The following LDLRAD3 variants were observed in gnomAD, a reference collection of about 807,000 sequenced individuals.
The protein encoded by LDLRAD3 is low-density lipoprotein receptor class A domain-containing protein 3.
A neutral mutation model predicts 29.4 loss-of-function variants in LDLRAD3; 20 were observed. That is an observed-to-expected ratio of 0.68 (90% CI 0.48 to 0.99). The LOEUF (loss-of-function observed/expected upper bound fraction) is 0.99, where lower values mean the gene tolerates loss of function less well. LDLRAD3 is among the 50% of genes least tolerant of loss of function. The pLI is 0.00. For synonymous variants in LDLRAD3, 157 were observed against 192.7 expected (o/e 0.81, Z 1.53); for missense variants, 420 against 454.3 (o/e 0.92, Z 0.69).
At chr11:36,198,627 C>G (rs1467294414) in intron 4 of LDLRAD3, among the ~76,000 whole-genome samples, 5 of 152,308 alleles carry the variant, frequency 3.3e-5, no homozygotes, top group South Asian at 4.1e-4. Context: ...CTAGAGCCAG[C>G]CTTCTTCACT....
chr11:35,990,814 A>T (rs1263015894), intron 1 of LDLRAD3, among the ~76,000 whole-genome samples: 3 of 152,192 alleles, frequency 2.0e-5, no homozygotes, highest in Non-Finnish European at 4.4e-5. Context: ...ACCTTGATCC[A>T]GTGTGACCTC....
At position 36,044,874 on chromosome 11, in the gene LDLRAD3, A is replaced by G. The variant is rs561664561; in HGVS notation, c.193+8625A>G. Among the ~76,000 whole-genome samples, 8 of 152,340 alleles carry G rather than the reference A, an allele frequency of 5.3e-5. No individual in the cohort carries two copies. The East Asian group carries it at 1.5e-3, about 29-fold the overall frequency. ...AGAGTGGCTGCCATCCGCTGTTCTCAGCTCTGCTGGAGCCCTGCACAATTA... is the reference window on the plus strand; with the variant it reads ...AGAGTGGCTGCCATCCGCTGTTCTCGGCTCTGCTGGAGCCCTGCACAATTA... On this transcript the variant is annotated intron_variant, in intron 2 of 5. Coordinates refer to ENST00000315571, the MANE Select transcript of LDLRAD3 (RefSeq NM_174902.4).
At chr11:35,994,279 G>GT (rs1851723879) in intron 1 of LDLRAD3, among the ~76,000 whole-genome samples, 1 of 143,050 alleles carries the variant, frequency 7.0e-6, no homozygotes, top group Non-Finnish European at 1.5e-5. Flanking sequence ...AGAGCTTGCA[G>GT]TGAGCCGAGA....
intron 2 of LDLRAD3, among the ~76,000 whole-genome samples, chr11:36,080,283 C>T (rs1590250795): frequency 6.6e-6 from 1 of 152,284 alleles, no homozygotes; most frequent in African/African-American, 2.4e-5. Context: ...AGCACCAGAA[C>T]CATTAACGGG....
At position 36,098,388 on chromosome 11, in the gene LDLRAD3, C is replaced by A; in HGVS notation, c.381C>A (p.Asp127Glu). The part of the protein sequence containing the change: ...RYHCKNGLCI[D>E]KSFICDGQNN... ...ACTGCAAGAACGGCCTCTGTATTGA[C>A]AAGAGCTTCATCTGCGATGGACAGA... Residue 127 changes from aspartate to glutamate, a missense_variant, in exon 4 of 6, where the codon GAC becomes GAA. Around this residue, in one of 3 missense-constraint regions of LDLRAD3, gnomAD observed 224 missense variants for 222.2 expected, o/e 1.01. Coordinates refer to ENST00000315571, the MANE Select transcript of LDLRAD3 (RefSeq NM_174902.4). The A allele has an allele frequency of 6.2e-7, 1 of 1,614,222 alleles. No homozygotes were observed. The highest frequency in any genetic ancestry group is 1.1e-5 in the South Asian group (1 of 91,090).
intron 2 of LDLRAD3, among the ~76,000 whole-genome samples, chr11:36,052,757 C>G (rs985526717): frequency 6.6e-6 from 1 of 152,066 alleles, no homozygotes; most frequent in East Asian, 1.9e-4. Context: ...AATGCTTGAC[C>G]CTTCTTAGTT....
At chr11:36,172,226 A>G (rs778231962) in intron 4 of LDLRAD3, among the ~76,000 whole-genome samples, 4 of 152,168 alleles carry the variant, frequency 2.6e-5, no homozygotes, top group Non-Finnish European at 5.9e-5. Context: ...AGACTCTAGA[A>G]GATCCAGAGT....
intron 2 of LDLRAD3, among the ~76,000 whole-genome samples, chr11:36,053,506 T>C (rs1408999616): frequency 6.6e-6 from 1 of 152,186 alleles, no homozygotes; most frequent in Non-Finnish European, 1.5e-5. Flanking sequence ...GGCTGTGTTG[T>C]ACGGCTGGGT....
chr11:36,203,722 C>T (rs1047886682), intron 4 of LDLRAD3, among the ~76,000 whole-genome samples: 7 of 149,314 alleles, frequency 4.7e-5, no homozygotes, highest in African/African-American at 1.2e-4. Flanking sequence ...GTAATGATTA[C>T]GGGGTCTTGT....
At chr11:35,974,698 T>C (rs571032008) in intron 1 of LDLRAD3, among the ~76,000 whole-genome samples, 2 of 152,340 alleles carry the variant, frequency 1.3e-5, no homozygotes, top group East Asian at 3.9e-4. Context: ...CCATACAGTC[T>C]CTTGTTTCAT....
intron 2 of LDLRAD3, among the ~76,000 whole-genome samples, chr11:36,053,312 G>T (rs1282968098): frequency 6.6e-6 from 1 of 151,682 alleles, no homozygotes; most frequent in Non-Finnish European, 1.5e-5. Flanking sequence ...TCTTTTTTCA[G>T]AACAGAGCTC....
At chr11:36,101,070 T>C (rs1313625001) in intron 4 of LDLRAD3, among the ~76,000 whole-genome samples, 1 of 152,214 alleles carries the variant, frequency 6.6e-6, no homozygotes, top group African/African-American at 2.4e-5. Context: ...TCTTGACACA[T>C]ACTTTCCTTA....
chr11:35,975,564 C>T (rs1851465186), intron 1 of LDLRAD3, among the ~76,000 whole-genome samples: 2 of 152,108 alleles, frequency 1.3e-5, no homozygotes, highest in South Asian at 4.2e-4. Flanking sequence ...TTTCCTTTCC[C>T]AAAAGTCATT....
chr11:36,149,926 A>G (rs536918284), intron 4 of LDLRAD3, among the ~76,000 whole-genome samples: 11 of 152,314 alleles, frequency 7.2e-5, no homozygotes, highest in African/African-American at 2.6e-4. Context: ...ATTGAGGGCT[A>G]AAGCCCTGGG....
chr11:36,224,844 A>G (rs1050590153), intron 4 of LDLRAD3, among the ~76,000 whole-genome samples: 4 of 152,306 alleles, frequency 2.6e-5, no homozygotes, highest in African/African-American at 9.6e-5. Flanking sequence ...TTGAAGGAGA[A>G]ACATCTAGAT....
At chr11:36,097,320 A>G (rs1321553642) in intron 3 of LDLRAD3, among the ~76,000 whole-genome samples, 1 of 152,232 alleles carries the variant, frequency 6.6e-6, no homozygotes, top group Non-Finnish European at 1.5e-5. Flanking sequence ...AACTGGAAGT[A>G]TCCTACACGG....
intron 4 of LDLRAD3, among the ~76,000 whole-genome samples, chr11:36,119,267 A>G (rs1049157540): frequency 4.6e-5 from 7 of 152,222 alleles, no homozygotes; most frequent in African/African-American, 7.2e-5. Flanking sequence ...TAAGGCTGCC[A>G]TGCACATTTG....
intron 1 of LDLRAD3, among the ~76,000 whole-genome samples, chr11:36,027,594 A>G (rs1852184600): frequency 6.6e-6 from 1 of 152,178 alleles, no homozygotes; most frequent in East Asian, 1.9e-4. Flanking sequence ...CTATATGAAG[A>G]TCATTTTGCT....
chr11:36,145,518 A>C (rs957876130), intron 4 of LDLRAD3, among the ~76,000 whole-genome samples: 13 of 150,684 alleles, frequency 8.6e-5, no homozygotes, highest in Admixed American at 7.9e-4. Flanking sequence ...TCAACAGCTC[A>C]TTGAGAACAG....
Sources: gnomAD v4.1 joint callset for allele counts (sites outside exome capture counted in the v4.1 genomes callset) on GRCh38, gnomAD v4.1.1 for gene constraint, gnomAD v4.1.1 regional missense constraint, MANE v1.5 for transcripts, NCBI Gene and HGNC (gene_info 2026-07-23, HGNC 2026-07-21) for gene names.